NEDD4L: variants seen among roughly 807,000 people sequenced by gnomAD.
NEDD4L encodes the protein NEDD4 like E3 ubiquitin protein ligase.
Under a neutral mutation model 148.9 loss-of-function variants are expected in NEDD4L, and 54 were observed. The ratio of observed to expected loss-of-function variants is 0.36; its 90% confidence interval spans 0.29 to 0.45. The LOEUF is 0.45. NEDD4L is among the 20% of genes least tolerant of loss of function. The pLI, the probability that NEDD4L is intolerant of heterozygous loss-of-function variation, is 1.00. For missense variants in NEDD4L, 856 were observed against 1,233.8 expected (o/e 0.69, Z 4.59); for synonymous variants, 433 against 440.7 (o/e 0.98, Z 0.22).
chr18:58,205,498 A>G (rs505218), intron 2 of NEDD4L, among the ~76,000 whole-genome samples: 78,285 of 147,594 alleles, frequency 0.53, 21,833 homozygotes, highest in Non-Finnish European at 0.64. Flanking sequence ...GTGTGTGTGT[A>G]TGTGTGTGTG....
intron 2 of NEDD4L, among the ~76,000 whole-genome samples, chr18:58,237,793 A>G (rs2046200032): frequency 6.6e-6 from 1 of 152,186 alleles, no homozygotes; most frequent in East Asian, 1.9e-4. Context: ...TTAGAGATAG[A>G]TGCACATACA....
chr18:58,382,584 C>T (rs1327423369), intron 24 of NEDD4L, among the ~76,000 whole-genome samples: 2 of 152,070 alleles, frequency 1.3e-5, no homozygotes, highest in East Asian at 3.8e-4. Context: ...GGTTACTGTG[C>T]TATGTGGCCT....
At chr18:58,242,477 C>T (rs923639100) in intron 2 of NEDD4L, among the ~76,000 whole-genome samples, 1 of 152,016 alleles carries the variant, frequency 6.6e-6, no homozygotes, top group Admixed American at 6.5e-5. Context: ...CGTTCTCCCC[C>T]TCTTCTTATT....
intron 5 of NEDD4L, among the ~76,000 whole-genome samples, chr18:58,285,028 A>G (rs2053686379): frequency 1.3e-5 from 2 of 152,244 alleles, no homozygotes; most frequent in African/African-American, 4.8e-5. Flanking sequence ...TTTCAGCAGC[A>G]AGAACTGCAT....
chr18:58,132,713 T>C (rs1036296373), intron 1 of NEDD4L, among the ~76,000 whole-genome samples: 3 of 152,252 alleles, frequency 2.0e-5, no homozygotes, highest in African/African-American at 7.2e-5. Flanking sequence ...TAGTGGGCCT[T>C]GGACCTGCTG....
intron 2 of NEDD4L, among the ~76,000 whole-genome samples, chr18:58,227,017 A>G (rs2044442152): frequency 6.6e-6 from 1 of 152,220 alleles, no homozygotes; most frequent in African/African-American, 2.4e-5. Flanking sequence ...CACAGATATC[A>G]CAAAATCAGA....
At chr18:58,234,405 C>T (rs1349415193) in intron 2 of NEDD4L, among the ~76,000 whole-genome samples, 2 of 149,660 alleles carry the variant, frequency 1.3e-5, no homozygotes, top group Non-Finnish European at 3.0e-5. Context: ...GATCATGGCT[C>T]ACTGCAGCCT....
Position 58,366,288 on chromosome 18 carries a change from C to T in NEDD4L, c.2063+60C>T. 1 of 1,245,120 alleles carries T rather than the reference C, an allele frequency of 8.0e-7. No individual in the cohort carries two copies. Among genetic ancestry groups the T allele is most frequent in the Non-Finnish European group, 1.1e-6 (1 of 901,520 alleles). 77.1% of individuals were successfully genotyped at this position (1,245,120 alleles called of 1,614,324 possible). A position where few individuals can be genotyped will look rare whatever the true frequency, so the allele number is the denominator to read the frequency against. The stretch of plus-strand genomic sequence containing the variant: ...ACTGAGACAGTTGTATGAATTTAAA[C>T]AGAATGAAAGGATAAGCAGCTCATG... On this transcript the variant is annotated intron_variant, in intron 21 of 30. Transcript: ENST00000400345. This position sits in a 1 kb window ranked among gnomAD's most constrained non-coding sequence, Gnocchi z 4.2.
chr18:58,183,840 T>A (rs989416324), intron 2 of NEDD4L, among the ~76,000 whole-genome samples: 3 of 152,234 alleles, frequency 2.0e-5, no homozygotes, highest in African/African-American at 7.2e-5. Context: ...CTCTTTCCTA[T>A]TTACAGCCTA....
chr18:58,329,123 C>G lies in NEDD4L; in HGVS notation c.809C>G (p.Pro270Arg). 6.2e-7 allele frequency: 1 copy of G among 1,613,768 alleles called. No individual in the cohort carries two copies. The change falls in exon 10 of 31, where the codon CCC (proline) becomes CGC (arginine). Residue 270 changes from proline (P) to arginine (R), a missense_variant. Physicochemically the swap from Pro to Arg is moderately radical, Grantham distance 103. Coordinates refer to ENST00000400345, the MANE Select transcript of NEDD4L (RefSeq NM_001144967.3). Reference sequence around the variant, plus strand: ...GAGCCCTCGGAGGGCGGGGATGTCCCCGAGGTACGATGTCCCCAGAATGGT... The same window carrying G: ...GAGCCCTCGGAGGGCGGGGATGTCCGCGAGGTACGATGTCCCCAGAATGGT... ...EPEPSEGGDV[P>R]EPWETISEEV... is the part of the protein sequence containing the mutation.
chr18:58,260,962 G>A (rs1047274173), intron 5 of NEDD4L, among the ~76,000 whole-genome samples: 1 of 152,124 alleles, frequency 6.6e-6, no homozygotes, highest in African/African-American at 2.4e-5. Flanking sequence ...TCATAGTTAG[G>A]TTTAAATGAA....
chr18:58,183,871 G>A lies in NEDD4L; in HGVS notation c.122+18010G>A, dbSNP rs759916577. On this transcript the variant is annotated intron_variant, in intron 2 of 30. Transcript: ENST00000400345. ...GCCTATTTTGTTTATTTTAACTTCC[G>A]CTGTTAAGACTTCTAAGGCCAGGCA... Among the ~76,000 whole-genome samples the A allele has an allele frequency of 7.6e-4, 116 of 151,988 alleles. 3 individuals are homozygous for A. Among genetic ancestry groups the A allele is most frequent in the East Asian group, 1.9e-4 (1 of 5,196 alleles).
intron 1 of NEDD4L, among the ~76,000 whole-genome samples, chr18:58,114,783 G>A (rs1434751254): frequency 2.6e-5 from 4 of 152,178 alleles, no homozygotes; most frequent in African/African-American, 7.2e-5. Flanking sequence ...CCCAGTTTCT[G>A]CAGGACATCT....
In NEDD4L at chr18:58,255,813, G is replaced by A. The variant is rs1475340581; in HGVS notation, c.297+3759G>A. On this transcript the variant is annotated intron_variant, in intron 5 of 30. Transcript: ENST00000400345. ...AACGGAGGGGAGGACGGCGGCGGAGGCCTGCAGGGAGGCGTGGGTGCGCTT... is the reference window on the plus strand; with the variant it reads ...AACGGAGGGGAGGACGGCGGCGGAGACCTGCAGGGAGGCGTGGGTGCGCTT... 3 of 1,232,534 alleles carry A rather than the reference G, an allele frequency of 2.4e-6. No individual in the cohort carries two copies. The East Asian group carries it at 9.5e-5, about 39-fold the overall frequency. 76.3% of individuals were successfully genotyped at this position (1,232,534 alleles called of 1,614,324 possible). A position where few individuals can be genotyped will look rare whatever the true frequency, so the allele number is the denominator to read the frequency against.
intron 1 of NEDD4L, among the ~76,000 whole-genome samples, chr18:58,095,764 T>G (rs17755337): frequency 0.028 from 4,296 of 152,328 alleles, 105 homozygotes; most frequent in Non-Finnish European, 0.04. Flanking sequence ...ATAAAAGGTT[T>G]GCCTATATAC....
chr18:58,238,814 A>T (rs895757002), intron 2 of NEDD4L, among the ~76,000 whole-genome samples: 4 of 152,200 alleles, frequency 2.6e-5, no homozygotes, highest in Non-Finnish European at 5.9e-5. Flanking sequence ...TATTCCTTCC[A>T]GTAGTAGAGT....
rs140109068 is a variant in NEDD4L, at chr18:58,180,471, C to T, written c.122+14610C>T. On this transcript the variant is annotated intron_variant, in intron 2 of 30. Coordinates refer to ENST00000400345, the MANE Select transcript of NEDD4L (RefSeq NM_001144967.3). ...CTCTAGTCCCACATCGGCCCAGGGG[C>T]GTTGAGCTGAGGACAGCTCCCTACC... is the stretch of plus-strand genomic sequence containing the variant. Among the ~76,000 whole-genome samples the T allele has an allele frequency of 3.6e-3, 546 of 152,318 alleles. 13 individuals are homozygous for T. The highest frequency in any genetic ancestry group is 3.7e-4 in the Non-Finnish European group (25 of 68,014).
intron 2 of NEDD4L, among the ~76,000 whole-genome samples, chr18:58,230,015 AG>A (rs2044931472): frequency 6.6e-6 from 1 of 152,130 alleles, no homozygotes; most frequent in Non-Finnish European, 1.5e-5. Context: ...CAAACAAAAA[AG>A]GAAAGCTTTT....
chr18:58,280,000 A>T (rs752385823), intron 5 of NEDD4L, among the ~76,000 whole-genome samples: 1 of 152,170 alleles, frequency 6.6e-6, no homozygotes, highest in Non-Finnish European at 1.5e-5. Context: ...CCTGAAGCAC[A>T]CTCAGCAAAC....
Sources: gnomAD v4.1 joint callset for allele counts (sites outside exome capture counted in the v4.1 genomes callset) on GRCh38, gnomAD v4.1.1 for gene constraint, Gnocchi (gnomAD v3.1) non-coding constraint, MANE v1.5 for transcripts, NCBI Gene and HGNC (gene_info 2026-07-23, HGNC 2026-07-21) for gene names.